DNMT1: variants seen among roughly 807,000 people sequenced by gnomAD.
DNMT1 encodes the protein DNA (cytosine-5)-methyltransferase 1.
A neutral mutation model predicts 205.3 loss-of-function variants in DNMT1; 24 were observed. The observed-to-expected ratio is 0.12, with a 90% CI of 0.08 to 0.16. The LOEUF (loss-of-function observed/expected upper bound fraction) is 0.16. Ranked by LOEUF, DNMT1 falls within the 10% of genes least tolerant of loss-of-function variation. The pLI, the probability that DNMT1 is intolerant of heterozygous loss-of-function variation, is 1.00. For missense variants in DNMT1, 1,293 were observed against 2,177.7 expected, an observed-to-expected ratio of 0.59 and a Z score of 8.09; for synonymous variants, 817 against 839.8, an observed-to-expected ratio of 0.97 and a Z score of 0.47.
intron 9 of DNMT1, among the ~76,000 whole-genome samples, chr19:10,170,621 G>C (rs1206238426): frequency 6.6e-6 from 1 of 152,050 alleles, no homozygotes; most frequent in Non-Finnish European, 1.5e-5. Flanking sequence ...CTGCAGCCTG[G>C]GCAAGTAGAA....
intron 6 of DNMT1, among the ~76,000 whole-genome samples, chr19:10,176,107 G>A (rs530924257): frequency 2.6e-5 from 4 of 151,908 alleles, no homozygotes; most frequent in African/African-American, 9.7e-5. Flanking sequence ...GGTGGAGGTT[G>A]CAGTGAGCCG....
chr19:10,136,979 T>C, intron 37 of DNMT1, 106 bp downstream of exon 37: 1 of 1,440,592 alleles, frequency 6.9e-7, no homozygotes, highest in Non-Finnish European at 9.5e-7. Context: ...CACCCAGGCT[T>C]GGTGTGTCTG....
intron 1 of DNMT1, among the ~76,000 whole-genome samples, chr19:10,187,004 T>C (rs1280340710): frequency 6.6e-6 from 1 of 151,772 alleles, no homozygotes; most frequent in Non-Finnish European, 1.5e-5. Context: ...AGGGGCACCA[T>C]TGAGAAGTGG....
intron 1 of DNMT1, among the ~76,000 whole-genome samples, chr19:10,182,487 GTGTATATATATGTGTGTATATATA>G (rs1568256400): frequency 1.5e-5 from 2 of 130,494 alleles, no homozygotes; most frequent in African/African-American, 6.0e-5. Context: ...ACATATATAT[GTGTATATATATGTGTGTATATATA>G]TACATATATA....
At chr19:10,194,671 C>CCCGCGCCAACTGCCGCTGCGCG in intron 1 of DNMT1, 149 bp downstream of exon 1, 1 of 1,139,826 alleles carries the variant, frequency 8.8e-7, no homozygotes, top group Non-Finnish European at 1.2e-6. Flanking sequence ...TGCCACCCTG[C>CCCGCGCCAACTGCCGCTGCGCG]CCGCGCCAAC....
Position 10,149,575 on chromosome 19 carries a change from C to T in DNMT1, c.2464G>A (p.Gly822Arg), listed in dbSNP as rs183555527. The T allele has an allele frequency of 1.2e-6, 2 of 1,613,914 alleles. No individual in the cohort carries two copies. Among genetic ancestry groups the T allele is most frequent in the East Asian group, 2.2e-5 (1 of 44,860 alleles). The change falls in exon 26 of 41, where the codon GGG (glycine) becomes AGG (arginine). Residue 822 changes from glycine to arginine, a missense_variant. This residue lies in a region of DNMT1 where 197 missense variants were observed against 353.6 expected (regional missense o/e 0.56). Coordinates refer to ENST00000359526, the MANE Select transcript of DNMT1 (RefSeq NM_001130823.3). The part of the protein sequence containing the change: ...WFCAGTDTVL[G>R]ATSDPLELFL... Reference sequence around the variant, plus strand: ...AGCTCCAGAGGGTCCGACGTGGCCCCGAGGACTGTGTCTGTCCCAGCGCAG... The same window carrying T: ...AGCTCCAGAGGGTCCGACGTGGCCCTGAGGACTGTGTCTGTCCCAGCGCAG...
chr19:10,147,087 C>T (rs544059501), intron 27 of DNMT1, among the ~76,000 whole-genome samples: 10 of 151,440 alleles, frequency 6.6e-5, no homozygotes, highest in East Asian at 2.0e-4. Context: ...AGTGAGACCC[C>T]GTCTCTACAA....
chr19:10,187,030 C>T (rs2039198488), intron 1 of DNMT1, among the ~76,000 whole-genome samples: 1 of 151,756 alleles, frequency 6.6e-6, no homozygotes, highest in Non-Finnish European at 1.5e-5. Context: ...TCTGGAAACA[C>T]ACAAGAAACA....
At chr19:10,161,923 C>G (rs988302049) in intron 13 of DNMT1, among the ~76,000 whole-genome samples, 2 of 151,244 alleles carry the variant, frequency 1.3e-5, no homozygotes, top group African/African-American at 2.4e-5. Flanking sequence ...CTCACTGCAA[C>G]CTCTACCTCC....
At chr19:10,175,770 GT>G (rs2038927719) in intron 6 of DNMT1, 152 bp from the exon 7 acceptor site, 1 of 798,340 alleles carries the variant, frequency 1.3e-6, no homozygotes, top group African/African-American at 1.7e-5. Flanking sequence ...TTGCCATCTT[GT>G]AAGTCCTAAG....
At position 10,137,608 on chromosome 19, in the gene DNMT1, G is replaced by T. The variant is rs991136082; in HGVS notation, c.4293+224C>A. 1.8e-5 allele frequency: 12 copies of T among 684,830 alleles called. No homozygotes were observed. The African/African-American group carries it at 1.8e-4, about 10-fold the overall frequency. 42.4% of individuals were successfully genotyped at this position (684,830 alleles called of 1,614,324 possible). ...CAAGGGGGAAGGCAGTGGTGGGTGG[G>T]CAGTGGCTTGACACCATTCCAGACC... is the stretch of plus-strand genomic sequence containing the variant. On this transcript the variant is annotated intron_variant, in intron 36 of 40. Coordinates refer to ENST00000359526, the MANE Select transcript of DNMT1 (RefSeq NM_001130823.3). The surrounding 1 kb of genome is among the most constrained non-coding windows in gnomAD (Gnocchi z 6.4).
In DNMT1 at chr19:10,151,552, T is replaced by C. The variant is rs944025693; in HGVS notation, c.2118-7A>G. The C allele has an allele frequency of 1.2e-6, 2 of 1,613,456 alleles. No individual in the cohort carries two copies. The highest frequency in any genetic ancestry group is 2.2e-5 in the East Asian group (1 of 44,894). ...CATGGCCATATTGGGACACCTGCAA[T>C]GTCACTGGTTATACCTAAGGCCCCT... On this transcript the variant is annotated splice_region_variant and splice_polypyrimidine_tract_variant and intron_variant, in intron 23 of 40. Transcript: ENST00000359526. This position sits in a 1 kb window ranked among gnomAD's most constrained non-coding sequence, Gnocchi z 5.0.
intron 1 of DNMT1, among the ~76,000 whole-genome samples, chr19:10,185,920 T>A (rs1187780520): frequency 6.6e-6 from 1 of 151,470 alleles, no homozygotes; most frequent in East Asian, 1.9e-4. Context: ...GCAAAAGTCA[T>A]TCTACCCTTG....
intron 17 of DNMT1, among the ~76,000 whole-genome samples, chr19:10,157,541 G>A (rs1343685403): frequency 6.6e-6 from 1 of 152,112 alleles, no homozygotes; most frequent in African/African-American, 2.4e-5. Flanking sequence ...TCTAGACAAG[G>A]ACCACCCTTT....
At chr19:10,194,212 A>C (rs1030764021) in intron 1 of DNMT1, among the ~76,000 whole-genome samples, 2 of 152,332 alleles carry the variant, frequency 1.3e-5, no homozygotes, top group African/African-American at 4.8e-5. Flanking sequence ...AGGAGCAAGA[A>C]CCACACAGTC....
In DNMT1 at chr19:10,163,420, C is replaced by A. The variant is rs2038622182; in HGVS notation, c.892-60G>T. 4 of 1,558,448 alleles carry A rather than the reference C, an allele frequency of 2.6e-6. No individual in the cohort carries two copies. The Admixed American group carries it at 6.7e-5, about 26-fold the overall frequency. ...AGAAGGGAAAAAATTAGTTTCTGAG[C>A]CAGAGTGAGATAAAATGCAAACACT... is the stretch of plus-strand genomic sequence containing the variant. On this transcript the variant is annotated intron_variant, in intron 11 of 40. Transcript: ENST00000359526.
At position 10,159,705 on chromosome 19, in the gene DNMT1, G is replaced by C; in HGVS notation, c.1233C>G (p.Gly411=). Reference sequence around the variant, plus strand: ...GGGGAAGCGCCTCATAACTCTCAAAGCCAGACTCGTTGGCATCAAAGATGG... The same window carrying C: ...GGGGAAGCGCCTCATAACTCTCAAACCCAGACTCGTTGGCATCAAAGATGG... ...KLSIFDANES[G]FESYEALPQH... is the part of the protein sequence containing the mutation. The change falls in exon 17 of 41, where the codon GGC becomes GGG. Residue 411 remains glycine (G), a synonymous_variant. Coordinates refer to ENST00000359526, the MANE Select transcript of DNMT1 (RefSeq NM_001130823.3). The surrounding 1 kb of genome is among the most constrained non-coding windows in gnomAD (Gnocchi z 5.0). 1 of 1,614,192 alleles carries C rather than the reference G, an allele frequency of 6.2e-7. No individual in the cohort carries two copies. The highest frequency in any genetic ancestry group is 1.7e-5 in the Admixed American group (1 of 60,014).
rs748337037 is a variant in DNMT1, at chr19:10,140,366, CAGA to C, written c.3524-41_3524-39del. On this transcript the variant is annotated intron_variant, in intron 32 of 40. Coordinates refer to ENST00000359526, the MANE Select transcript of DNMT1 (RefSeq NM_001130823.3). The surrounding 1 kb of genome is among the most constrained non-coding windows in gnomAD (Gnocchi z 8.4). Reference sequence around the variant, plus strand: ...GCACGAAGCCATGCTTTCAACTCTCCAGAAGATTTTTTTTTTTTTTTGAGATGG... The same window carrying C: ...GCACGAAGCCATGCTTTCAACTCTCCAGATTTTTTTTTTTTTTTGAGATGG... The C allele has an allele frequency of 1.2e-6, 2 of 1,605,480 alleles. No homozygotes were observed. Among genetic ancestry groups the C allele is most frequent in the African/African-American group, 2.7e-5 (2 of 73,486 alleles).
intron 1 of DNMT1, among the ~76,000 whole-genome samples, chr19:10,189,714 C>T (rs1186183056): frequency 2.0e-5 from 3 of 152,028 alleles, no homozygotes; most frequent in Non-Finnish European, 2.9e-5. Flanking sequence ...CCACTGCACA[C>T]GGCCTAGTCT....
Sources: allele counts gnomAD v4.1 joint callset (sites outside exome capture counted in the v4.1 genomes callset), GRCh38; gene constraint gnomAD v4.1.1; regional missense constraint gnomAD v4.1.1; non-coding constraint Gnocchi (gnomAD v3.1); transcripts MANE v1.5; gene names NCBI Gene and HGNC (gene_info 2026-07-23, HGNC 2026-07-21).